The following RTCB variants were observed in gnomAD, a reference collection of about 807,000 sequenced individuals.
The protein encoded by RTCB is RNA-splicing ligase RTCB.
A neutral mutation model predicts 58.2 loss-of-function variants in RTCB; 32 were observed. The ratio of observed to expected loss-of-function variants is 0.55; its 90% CI spans 0.41 to 0.74. RTCB has a LOEUF of 0.74. Among genes scored for constraint, RTCB ranks in the 30% least tolerant of loss-of-function variants. The pLI, the probability that RTCB is intolerant of heterozygous loss-of-function variation, is 0.00. For missense variants in RTCB, 523 were observed against 639.0 expected (o/e 0.82, Z 1.96); for synonymous variants, 247 against 218.6 (o/e 1.13, Z -1.15).
chr22:32,389,091 A>G (rs56923835), intron 11 of RTCB, among the ~76,000 whole-genome samples: 7,759 of 152,148 alleles, frequency 0.051, 229 homozygotes, highest in East Asian at 0.13. Flanking sequence ...AGGCACTCCT[A>G]GTTTTGAATC....
At chr22:32,401,505 T>C in intron 5 of RTCB, 2 of 407,974 alleles carry the variant, frequency 4.9e-6, no homozygotes, top group Non-Finnish European at 4.4e-6. Context: ...AAGTGCTCAA[T>C]AAACGTTGGT....
intron 4 of RTCB, 115 bp from the exon 5 acceptor site, chr22:32,402,018 T>C (rs2145895194): frequency 9.0e-7 from 1 of 1,114,760 alleles, no homozygotes; most frequent in Non-Finnish European, 1.3e-6. Context: ...AACTATGTTT[T>C]AAAGTAGACA....
At chr22:32,403,801 A>G (rs1170943603) in intron 4 of RTCB, among the ~76,000 whole-genome samples, 2 of 152,232 alleles carry the variant, frequency 1.3e-5, no homozygotes, top group Non-Finnish European at 1.5e-5. Flanking sequence ...TATGTTATAC[A>G]TTAGATTTCC....
intron 1 of RTCB, among the ~76,000 whole-genome samples, 187 bp downstream of exon 1, chr22:32,411,877 G>A (rs1227995115): frequency 6.6e-6 from 1 of 152,204 alleles, no homozygotes; most frequent in Non-Finnish European, 1.5e-5. Flanking sequence ...GACCTCTCCT[G>A]GCGGGAGGTG....
intron 11 of RTCB, among the ~76,000 whole-genome samples, chr22:32,392,009 GAACAGTAA>G (rs1282499396): frequency 3.3e-5 from 5 of 151,936 alleles, no homozygotes; most frequent in Non-Finnish European, 7.4e-5. Context: ...GACTATAAAT[GAACAGTAA>G]AAATCATTCT....
intron 1 of RTCB, among the ~76,000 whole-genome samples, chr22:32,411,401 C>G (rs572137596): frequency 6.6e-6 from 1 of 152,326 alleles, no homozygotes; most frequent in African/African-American, 2.4e-5. Flanking sequence ...CCTGAGCCCT[C>G]AAGTCTCCAT....
intron 4 of RTCB, 47 bp from the exon 5 acceptor site, chr22:32,401,950 T>A: frequency 6.3e-7 from 1 of 1,586,680 alleles, no homozygotes; most frequent in Non-Finnish European, 8.6e-7. Flanking sequence ...AAGGCACTGT[T>A]ACCTGCAGTT....
intron 9 of RTCB, 128 bp downstream of exon 9, chr22:32,394,898 A>G: frequency 1.3e-6 from 1 of 782,590 alleles, no homozygotes; most frequent in Non-Finnish European, 2.0e-6. Context: ...ATTGGGAATC[A>G]CTGTTCTCAT....
intron 4 of RTCB, 34 bp from the exon 5 acceptor site, chr22:32,401,937 G>A (rs767053488): frequency 1.2e-6 from 2 of 1,606,846 alleles, no homozygotes; most frequent in East Asian, 2.2e-5. Flanking sequence ...AAAACCAGCT[G>A]GTAAGGCACT....
chr22:32,405,497 C>T (rs761667748), intron 4 of RTCB, among the ~76,000 whole-genome samples: 1 of 152,170 alleles, frequency 6.6e-6, no homozygotes, highest in Non-Finnish European at 1.5e-5. Flanking sequence ...CACACAACCA[C>T]ACATGTATAT....
chr22:32,411,944 G>A (rs371841124), intron 1 of RTCB, 120 bp downstream of exon 1: 38 of 706,470 alleles, frequency 5.4e-5, no homozygotes, highest in South Asian at 1.2e-4. Flanking sequence ...CGGGATGAGG[G>A]AAACTCTGCA....
rs750639756 is a variant in RTCB at position 32,396,180 on chromosome 22, C to T, written c.884G>A (p.Cys295Tyr). ...ACCCTCTGGGGAAGCGATTCGAGCA[C>T]AAGCCAACTGCCGATCATTGACTAT... is the stretch of plus-strand genomic sequence containing the variant. ...KIIVNDRQLACARIASPEGQD... is the reference protein window; with the variant it reads ...KIIVNDRQLAYARIASPEGQD... Residue 295 changes from cysteine (C) to tyrosine (Y), a missense_variant, in exon 8 of 12, where the codon TGT (cysteine) becomes TAT (tyrosine). Cys to Tyr is a radical substitution (Grantham distance 194). Coordinates refer to ENST00000216038, the MANE Select transcript of RTCB (RefSeq NM_014306.5). 2 of 1,614,244 alleles carry T rather than the reference C, an allele frequency of 1.2e-6. No homozygotes were observed. The highest frequency in any genetic ancestry group is 1.7e-6 in the Non-Finnish European group (2 of 1,180,038).
At chr22:32,403,132 T>A (rs993345675) in intron 4 of RTCB, among the ~76,000 whole-genome samples, 2 of 152,002 alleles carry the variant, frequency 1.3e-5, no homozygotes, top group African/African-American at 4.8e-5. Flanking sequence ...ATTGGCAGGG[T>A]GCAGGGGCTC....
intron 4 of RTCB, among the ~76,000 whole-genome samples, chr22:32,406,198 C>G (rs1019905112): frequency 1.3e-5 from 2 of 152,132 alleles, no homozygotes; most frequent in Non-Finnish European, 2.9e-5. Context: ...TTGTAATAGC[C>G]TCTCAGTATC....
chr22:32,392,377 T>C lies in RTCB; in HGVS notation c.1291-18A>G. On this transcript the variant is annotated intron_variant, in intron 10 of 11. Coordinates refer to ENST00000216038, the MANE Select transcript of RTCB (RefSeq NM_014306.5). ...GCACGGCCCTAGAATGGGAAAGGAATGAACTTTACTTTAAACCCTAAGATG... is the reference window on the plus strand; with the variant it reads ...GCACGGCCCTAGAATGGGAAAGGAACGAACTTTACTTTAAACCCTAAGATG... The C allele has an allele frequency of 6.2e-7, 1 of 1,613,324 alleles. No homozygotes were observed. The highest frequency in any genetic ancestry group is 1.7e-5 in the Admixed American group (1 of 59,832).
intron 11 of RTCB, among the ~76,000 whole-genome samples, chr22:32,391,395 A>ATT (rs200157911): frequency 8.5e-5 from 12 of 141,810 alleles, no homozygotes; most frequent in East Asian, 4.0e-4. Context: ...CAATAAGTAA[A>ATT]TTTTTTTTTT....
rs370830559 is a variant in RTCB, at chr22:32,392,344, G to C, written c.1306C>G (p.Arg436Gly). 1 of 1,613,936 alleles carries C rather than the reference G, an allele frequency of 6.2e-7. No homozygotes were observed. Among genetic ancestry groups the C allele is most frequent in the Non-Finnish European group, 8.5e-7 (1 of 1,179,936 alleles). ...TCTAAATTACGTCGAGATTTTGCTCGGGACAATGCACGGCCCTAGAATGGG... is the reference window on the plus strand; with the variant it reads ...TCTAAATTACGTCGAGATTTTGCTCCGGACAATGCACGGCCCTAGAATGGG... ...TCHGAGRALS[R>G]AKSRRNLDFQ... The change falls in exon 11 of 12, where the codon CGA becomes GGA. Residue 436 changes from arginine (R) to glycine (G), a missense_variant. Around this residue, in one of 3 missense-constraint regions of RTCB, gnomAD observed 248 missense variants for 292.5 expected, o/e 0.85. Coordinates refer to ENST00000216038, the MANE Select transcript of RTCB (RefSeq NM_014306.5).
rs776755182 is a variant in RTCB at position 32,398,137 on chromosome 22, T to C, written c.655-37A>G. 1.6e-4 allele frequency: 261 copies of C among 1,582,236 alleles called. 3 individuals are homozygous for C. In the East Asian group the frequency reaches 5.7e-3, roughly 34 times the overall value. The stretch of plus-strand genomic sequence containing the variant: ...AAAATGTCTGGTAAGATAGTTTTTA[T>C]TCCAGTTTTTTTTTTAATCTATTTA... On this transcript the variant is annotated intron_variant, in intron 6 of 11. Coordinates refer to ENST00000216038, the MANE Select transcript of RTCB (RefSeq NM_014306.5).
chr22:32,408,981 T>A, intron 1 of RTCB, 148 bp from the exon 2 acceptor site: 1 of 616,694 alleles, frequency 1.6e-6, no homozygotes, highest in South Asian at 2.0e-5. Context: ...AAACTTCCTA[T>A]CAAAGACTAC....
Sources: gnomAD v4.1 joint callset for allele counts (sites outside exome capture counted in the v4.1 genomes callset) on GRCh38, gnomAD v4.1.1 for gene constraint, gnomAD v4.1.1 regional missense constraint, MANE v1.5 for transcripts, NCBI Gene and HGNC (gene_info 2026-07-23, HGNC 2026-07-21) for gene names.